ARHGAP6: variants seen among roughly 807,000 people sequenced by gnomAD.
ARHGAP6 encodes the protein rho GTPase-activating protein 6.
Under a neutral mutation model 55.7 loss-of-function variants are expected in ARHGAP6, and 16 were observed. That is an observed-to-expected ratio of 0.29 (90% confidence interval 0.19 to 0.44). The LOEUF is 0.44. ARHGAP6 is among the 20% of genes least tolerant of loss of function. ARHGAP6 has a pLI of 1.00. For missense variants in ARHGAP6, 698 were observed against 808.9 expected (o/e 0.86, Z 1.66); for synonymous variants, 382 against 360.9 (o/e 1.06, Z -0.66).
At chrX:11,206,175 C>G (rs2046701857) in intron 2 of ARHGAP6, among the ~76,000 whole-genome samples, 1 of 111,916 alleles carries the variant, frequency 8.9e-6, no homozygotes, top group Admixed American at 9.5e-5. Context: ...ACTTGAGTTT[C>G]AACTTGATGC....
intron 1 of ARHGAP6, among the ~76,000 whole-genome samples, chrX:11,618,474 A>T (rs2052192360): frequency 8.9e-6 from 1 of 112,122 alleles, no homozygotes; most frequent in Non-Finnish European, 1.9e-5. Flanking sequence ...GATTAAGGAC[A>T]TTCACTGATA....
At chrX:11,429,045 C>A (rs1176943059) in intron 1 of ARHGAP6, among the ~76,000 whole-genome samples, 1 of 111,641 alleles carries the variant, frequency 9.0e-6, no homozygotes, top group African/African-American at 3.3e-5. Context: ...CATAATTGCC[C>A]CAAATAAAAG....
At chrX:11,284,931 A>G (rs763306690) in intron 1 of ARHGAP6, among the ~76,000 whole-genome samples, 2 of 111,734 alleles carry the variant, frequency 1.8e-5, no homozygotes, top group Non-Finnish European at 3.8e-5. Flanking sequence ...GAAGGGCACA[A>G]TCATTCCTGG....
At chrX:11,606,440 C>T (rs901903183) in intron 1 of ARHGAP6, among the ~76,000 whole-genome samples, 1 of 111,786 alleles carries the variant, frequency 8.9e-6, no homozygotes, top group East Asian at 2.8e-4. Context: ...ATAGTGTGTA[C>T]ATGCTTCATG....
chrX:11,343,199 G>A (rs948840468), intron 1 of ARHGAP6, among the ~76,000 whole-genome samples: 6 of 112,434 alleles, frequency 5.3e-5, no homozygotes, highest in Admixed American at 9.4e-5. Context: ...TCAGGAAACA[G>A]AAAATATCAA....
intron 1 of ARHGAP6, among the ~76,000 whole-genome samples, chrX:11,596,120 C>T (rs2051899180): frequency 8.9e-6 from 1 of 111,931 alleles, no homozygotes; most frequent in East Asian, 2.8e-4. Flanking sequence ...GACACATGCA[C>T]ATATATGCTT....
chrX:11,230,802 GT>G (rs1326288685), intron 2 of ARHGAP6, among the ~76,000 whole-genome samples: 1 of 110,351 alleles, frequency 9.1e-6, no homozygotes, highest in Non-Finnish European at 1.9e-5. Context: ...ATTGTTTTTA[GT>G]TCACAACAAA....
At chrX:11,314,500 T>C (rs781259215) in intron 1 of ARHGAP6, among the ~76,000 whole-genome samples, 1 of 112,644 alleles carries the variant, frequency 8.9e-6, no homozygotes, top group Non-Finnish European at 1.9e-5. Flanking sequence ...ATATCCAGTG[T>C]TCACTCTTTA....
chrX:11,635,163 T>C (rs945851500), intron 1 of ARHGAP6, among the ~76,000 whole-genome samples: 10 of 112,291 alleles, frequency 8.9e-5, no homozygotes, highest in South Asian at 3.7e-4. Context: ...GACCTCATCA[T>C]GTAAGTGATG....
chrX:11,664,756 T>C lies in ARHGAP6; in HGVS notation c.73A>G (p.Lys25Glu). ...CGCAGCTTCCTCTTGGAGAAGCCCT[T>C]GGCCGAGGCCGCGCTACTTGAAGCG... ...SPASSSAASA[K>E]GFSKRKLRQT... Residue 25 changes from lysine (K) to glutamate (E), a missense_variant, in exon 1 of 13, where the codon AAG (lysine) becomes GAG (glutamate). Lys to Glu is a moderately conservative substitution (Grantham distance 56). Around this residue, in one of 3 missense-constraint regions of ARHGAP6, gnomAD observed 164 missense variants for 149.2 expected, o/e 1.10. Coordinates refer to ENST00000337414, the MANE Select transcript of ARHGAP6 (RefSeq NM_013427.3). The C allele has an allele frequency of 1.7e-6, 2 of 1,201,321 alleles. No homozygotes were observed. The highest frequency in any genetic ancestry group is 2.2e-6 in the Non-Finnish European group (2 of 891,945).
intron 1 of ARHGAP6, among the ~76,000 whole-genome samples, chrX:11,476,216 T>G (rs1427303625): frequency 9.0e-6 from 1 of 111,267 alleles, no homozygotes; most frequent in Non-Finnish European, 1.9e-5. Flanking sequence ...GATGCAAGGT[T>G]AATATCCAAA....
intron 1 of ARHGAP6, among the ~76,000 whole-genome samples, chrX:11,383,933 C>T (rs1211469998): frequency 9.1e-6 from 1 of 110,431 alleles, no homozygotes; most frequent in East Asian, 2.8e-4. Context: ...AGTCTATACA[C>T]ACAGTTTTCC....
chrX:11,465,377 C>T (rs890752045), intron 1 of ARHGAP6, among the ~76,000 whole-genome samples: 1 of 111,509 alleles, frequency 9.0e-6, no homozygotes, highest in African/African-American at 3.3e-5. Context: ...TAGCACTGTC[C>T]AATAGAAATG....
intron 1 of ARHGAP6, among the ~76,000 whole-genome samples, chrX:11,486,110 G>T (rs2050508631): frequency 9.0e-6 from 1 of 111,673 alleles, no homozygotes; most frequent in African/African-American, 3.3e-5. Flanking sequence ...ACACACACAA[G>T]CCACCTCCTA....
At chrX:11,583,238 C>T (rs1403404758) in intron 1 of ARHGAP6, among the ~76,000 whole-genome samples, 1 of 112,308 alleles carries the variant, frequency 8.9e-6, no homozygotes, top group Non-Finnish European at 1.9e-5. Context: ...CTAGAAATTA[C>T]TGGGCAAACA....
At chrX:11,482,634 TG>T (rs754722449) in intron 1 of ARHGAP6, among the ~76,000 whole-genome samples, 105 of 111,642 alleles carry the variant, frequency 9.4e-4, no homozygotes, top group Middle Eastern at 4.7e-3. Flanking sequence ...ATGGACCCTG[TG>T]GCAGATGTCC....
At chrX:11,174,793 T>G (rs2046184878) in intron 8 of ARHGAP6, among the ~76,000 whole-genome samples, 1 of 106,329 alleles carries the variant, frequency 9.4e-6, no homozygotes, top group African/African-American at 3.4e-5. Flanking sequence ...GTTCACACCA[T>G]TCTCCTGCCT....
At chrX:11,455,551 A>G (rs768432738) in intron 1 of ARHGAP6, among the ~76,000 whole-genome samples, 1 of 112,392 alleles carries the variant, frequency 8.9e-6, no homozygotes, top group East Asian at 2.8e-4. Flanking sequence ...GCAAACGGGA[A>G]AAAATAAAAA....
intron 1 of ARHGAP6, among the ~76,000 whole-genome samples, chrX:11,609,845 G>A (rs2052081269): frequency 8.9e-6 from 1 of 111,748 alleles, no homozygotes; most frequent in Admixed American, 9.5e-5. Context: ...GAAAGAGGAG[G>A]CTGGGCACTA....
Sources: allele counts gnomAD v4.1 joint callset (sites outside exome capture counted in the v4.1 genomes callset), GRCh38; gene constraint gnomAD v4.1.1; regional missense constraint gnomAD v4.1.1; transcripts MANE v1.5; gene names NCBI Gene and HGNC (gene_info 2026-07-23, HGNC 2026-07-21).